CSMD1: variants seen among roughly 807,000 people sequenced by gnomAD.
The protein encoded by CSMD1 is CUB and Sushi multiple domains 1.
A neutral mutation model predicts 417.5 loss-of-function variants in CSMD1; 213 were observed. The ratio of observed to expected loss-of-function variants is 0.51; its 90% CI spans 0.46 to 0.57. The LOEUF (loss-of-function observed/expected upper bound fraction) is 0.57, where lower values mean the gene tolerates loss of function less well. CSMD1 is among the 20% of genes least tolerant of loss of function. The pLI, the probability that CSMD1 is intolerant of heterozygous loss-of-function variation, is 0.00. For synonymous variants in CSMD1, 2,862 were observed against 1,736.8 expected (o/e 1.65, Z -16.11); for missense variants, 6,923 against 4,529.7 (o/e 1.53, Z -15.17).
At chr8:4,143,839 T>A (rs951165302) in intron 3 of CSMD1, among the ~76,000 whole-genome samples, 1 of 151,142 alleles carries the variant, frequency 6.6e-6, no homozygotes, top group Non-Finnish European at 1.5e-5. Flanking sequence ...GGGATTTAAG[T>A]ACTTATTTTG....
chr8:4,280,414 A>G (rs954005043), intron 3 of CSMD1, among the ~76,000 whole-genome samples: 1 of 152,236 alleles, frequency 6.6e-6, no homozygotes, highest in East Asian at 1.9e-4. Flanking sequence ...TGACAATTAA[A>G]TTTTAGTACC....
intron 3 of CSMD1, among the ~76,000 whole-genome samples, chr8:4,161,387 G>T (rs896066342): frequency 6.6e-6 from 1 of 152,176 alleles, no homozygotes; most frequent in Non-Finnish European, 1.5e-5. Flanking sequence ...CAGAATTAAA[G>T]GAATCTTAGA....
intron 3 of CSMD1, among the ~76,000 whole-genome samples, chr8:4,380,301 G>C (rs1197284455): frequency 1.3e-5 from 2 of 152,096 alleles, no homozygotes; most frequent in Non-Finnish European, 2.9e-5. Flanking sequence ...CTGCAGTGCT[G>C]AGCCACAGTG....
chr8:4,430,316 A>G (rs900368136), intron 2 of CSMD1, among the ~76,000 whole-genome samples: 3 of 152,142 alleles, frequency 2.0e-5, no homozygotes, highest in African/African-American at 7.2e-5. Context: ...ACCACTGCAT[A>G]TTGCTTTAAC....
At chr8:3,130,872 T>C (rs900073806) in intron 41 of CSMD1, among the ~76,000 whole-genome samples, 1 of 152,206 alleles carries the variant, frequency 6.6e-6, no homozygotes, top group Non-Finnish European at 1.5e-5. Context: ...CCTAAACATA[T>C]GTTTTTGCCT....
intron 3 of CSMD1, among the ~76,000 whole-genome samples, chr8:4,398,530 A>T (rs1804421999): frequency 6.6e-6 from 1 of 151,282 alleles, no homozygotes; most frequent in Non-Finnish European, 1.5e-5. Flanking sequence ...AGTAGGTGGG[A>T]CTACAGGCGC....
At chr8:3,184,471 T>C (rs1821622819) in intron 36 of CSMD1, among the ~76,000 whole-genome samples, 1 of 152,194 alleles carries the variant, frequency 6.6e-6, no homozygotes, top group African/African-American at 2.4e-5. Flanking sequence ...ACAGCTTTAA[T>C]CTGTCTTCAG....
chr8:3,540,309 T>C (rs1328365164), intron 10 of CSMD1, among the ~76,000 whole-genome samples: 1 of 152,120 alleles, frequency 6.6e-6, no homozygotes, highest in Non-Finnish European at 1.5e-5. Flanking sequence ...TGATAACTCT[T>C]CTTAGAAATA....
At chr8:2,956,040 C>G (rs1304249719) in intron 63 of CSMD1, among the ~76,000 whole-genome samples, 1 of 151,898 alleles carries the variant, frequency 6.6e-6, no homozygotes, top group Non-Finnish European at 1.5e-5. Context: ...TACACCCATC[C>G]TATATATATT....
At chr8:3,738,661 A>G (rs1406165064) in intron 6 of CSMD1, among the ~76,000 whole-genome samples, 1 of 152,220 alleles carries the variant, frequency 6.6e-6, no homozygotes, top group Non-Finnish European at 1.5e-5. Flanking sequence ...CAGGGCTTAG[A>G]TAACAGATAA....
intron 1 of CSMD1, among the ~76,000 whole-genome samples, chr8:4,854,277 G>C (rs761218754): frequency 4.6e-5 from 7 of 152,136 alleles, no homozygotes; most frequent in Non-Finnish European, 8.8e-5. Flanking sequence ...CCCAGTGTTG[G>C]AGACAGGGCT....
chr8:3,909,469 G>C (rs1306577866), intron 5 of CSMD1, among the ~76,000 whole-genome samples: 1 of 152,132 alleles, frequency 6.6e-6, no homozygotes, highest in Admixed American at 6.5e-5. Context: ...TCCTGAGACA[G>C]CAGTGCGGAA....
intron 8 of CSMD1, among the ~76,000 whole-genome samples, chr8:3,611,366 G>C (rs1485002210): frequency 6.6e-6 from 1 of 152,078 alleles, no homozygotes; most frequent in East Asian, 1.9e-4. Context: ...AGCTCTGGAG[G>C]AACAAACATC....
At chr8:3,281,424 A>G (rs1179251022) in intron 26 of CSMD1, among the ~76,000 whole-genome samples, 1 of 152,190 alleles carries the variant, frequency 6.6e-6, no homozygotes, top group Non-Finnish European at 1.5e-5. Context: ...AGCCTGGGCG[A>G]CAAAGCAAGA....
intron 5 of CSMD1, among the ~76,000 whole-genome samples, chr8:3,900,115 T>TAGCTGGGTGACACTGC (rs1267406823): frequency 6.6e-6 from 1 of 151,682 alleles, no homozygotes; most frequent in Non-Finnish European, 1.5e-5. Context: ...GTTGGCACTG[T>TAGCTGGGTGACACTGC]AGCTGGGTGA....
intron 3 of CSMD1, among the ~76,000 whole-genome samples, chr8:4,290,049 C>A (rs1162447923): frequency 6.6e-6 from 1 of 152,144 alleles, no homozygotes; most frequent in Non-Finnish European, 1.5e-5. Flanking sequence ...TAACCAGAAC[C>A]AACAACTGCA....
chr8:4,273,318 A>G (rs527307856), intron 3 of CSMD1, among the ~76,000 whole-genome samples: 3 of 152,300 alleles, frequency 2.0e-5, no homozygotes, highest in African/African-American at 4.8e-5. Flanking sequence ...GTTTTATGTC[A>G]AAAGTCATGA....
At chr8:3,031,783 G>A (rs1442943714) in intron 50 of CSMD1, among the ~76,000 whole-genome samples, 1 of 151,470 alleles carries the variant, frequency 6.6e-6, no homozygotes, top group African/African-American at 2.4e-5. Context: ...AGTTCTTCAT[G>A]ATGATCTCTT....
intron 6 of CSMD1, among the ~76,000 whole-genome samples, chr8:3,719,926 T>C (rs1802054869): frequency 1.3e-5 from 2 of 152,166 alleles, no homozygotes; most frequent in South Asian, 2.1e-4. Flanking sequence ...TGCCTCTAAA[T>C]CGCAGATTCC....
Sources: gnomAD v4.1 joint callset for allele counts (sites outside exome capture counted in the v4.1 genomes callset) on GRCh38, gnomAD v4.1.1 for gene constraint, MANE v1.5 for transcripts, NCBI Gene and HGNC (gene_info 2026-07-23, HGNC 2026-07-21) for gene names.